Variants in RBM46 observed in about 807,000 individuals in gnomAD.
RBM46 encodes the protein RNA binding motif protein 46.
A neutral mutation model predicts 43.3 loss-of-function variants in RBM46; 12 were observed. The ratio of observed to expected loss-of-function variants is 0.28; its 90% CI spans 0.18 to 0.45. The LOEUF is 0.45. Among genes scored for constraint, RBM46 ranks in the 20% least tolerant of loss-of-function variants. RBM46 has a pLI of 1.00. For missense variants in RBM46, 412 were observed against 639.1 expected (o/e 0.64, Z 3.83); for synonymous variants, 205 against 207.6 (o/e 0.99, Z 0.11).
chr4:154,792,054 C>T (rs1734120676), intron 1 of RBM46, among the ~76,000 whole-genome samples: 1 of 152,056 alleles, frequency 6.6e-6, no homozygotes, highest in Non-Finnish European at 1.5e-5. Context: ...AATCACATAG[C>T]TTTTCAGAGA....
In RBM46 at chr4:154,798,970, C is replaced by T. The variant is rs867996134; in HGVS notation, c.808C>T (p.Leu270Phe). The change falls in exon 4 of 5, where the codon CTT becomes TTT. Residue 270 changes from leucine to phenylalanine, a missense_variant. Physicochemically the swap from Leu to Phe is conservative, Grantham distance 22. This residue lies in a region of RBM46 where 54 missense variants were observed against 102.5 expected (regional missense o/e 0.53). Transcript: ENST00000281722. ...TGGTGCAGTTGAACGGGTAAAGAAA[C>T]TTAGAGATTATGCTTTTGTTCACTT... ...KPGAVERVKK[L>F]RDYAFVHFFN... 6.2e-7 allele frequency: 1 copy of T among 1,613,700 alleles called. No individual in the cohort carries two copies. The highest frequency in any genetic ancestry group is 1.1e-5 in the South Asian group (1 of 90,992).
At chr4:154,816,058 A>G (rs1273421055) in intron 4 of RBM46, among the ~76,000 whole-genome samples, 1 of 152,074 alleles carries the variant, frequency 6.6e-6, no homozygotes, top group East Asian at 1.9e-4. Context: ...TCTAATATAC[A>G]CACACATATA....
chr4:154,813,207 T>C (rs745327165), intron 4 of RBM46, among the ~76,000 whole-genome samples: 1 of 152,126 alleles, frequency 6.6e-6, no homozygotes, highest in African/African-American at 2.4e-5. Flanking sequence ...GAAAGAAATA[T>C]ATGAGATAGG....
intron 1 of RBM46, among the ~76,000 whole-genome samples, chr4:154,782,696 T>C (rs1256401630): frequency 2.6e-5 from 4 of 152,150 alleles, no homozygotes; most frequent in Non-Finnish European, 5.9e-5. Context: ...TTGGCCAGGA[T>C]GGTCTCGATC....
At chr4:154,818,217 A>G (rs1170172448) in intron 4 of RBM46, among the ~76,000 whole-genome samples, 6 of 152,266 alleles carry the variant, frequency 3.9e-5, no homozygotes, top group African/African-American at 1.4e-4. Flanking sequence ...AGCTTCCACT[A>G]GAATTGTTTA....
chr4:154,798,751 T>A (rs1734468315), intron 3 of RBM46, 31 bp from the exon 4 acceptor site: 1 of 1,372,102 alleles, frequency 7.3e-7, no homozygotes, highest in East Asian at 2.6e-5. Context: ...TTTATTTTAA[T>A]TCTCTTCAAA....
At chr4:154,815,656 CTG>C (rs1236824046) in intron 4 of RBM46, among the ~76,000 whole-genome samples, 6 of 151,800 alleles carry the variant, frequency 4.0e-5, no homozygotes, top group Admixed American at 3.3e-4. Context: ...ATTGGTTTGT[CTG>C]TTTTTTATTT....
chr4:154,815,703 T>C (rs187012533), intron 4 of RBM46, among the ~76,000 whole-genome samples: 1 of 152,152 alleles, frequency 6.6e-6, no homozygotes, highest in East Asian at 1.9e-4. Context: ...ATTGAATATA[T>C]TTTTAAAATA....
At chr4:154,791,193 T>G (rs932715446) in intron 1 of RBM46, among the ~76,000 whole-genome samples, 1 of 152,242 alleles carries the variant, frequency 6.6e-6, no homozygotes, top group Non-Finnish European at 1.5e-5. Context: ...TCTTTTTAAC[T>G]GAAACTTTTC....
At chr4:154,785,755 T>C (rs911566003) in intron 1 of RBM46, among the ~76,000 whole-genome samples, 3 of 152,226 alleles carry the variant, frequency 2.0e-5, no homozygotes, top group Non-Finnish European at 4.4e-5. Flanking sequence ...GACTAAATTA[T>C]TGAAGAGAGT....
At chr4:154,814,293 T>C (rs1399834280) in intron 4 of RBM46, among the ~76,000 whole-genome samples, 2 of 152,090 alleles carry the variant, frequency 1.3e-5, no homozygotes. Flanking sequence ...GTCTCTTTCT[T>C]ATTGTCTTGC....
At chr4:154,825,749 T>C (rs1735927632) in intron 4 of RBM46, among the ~76,000 whole-genome samples, 1 of 152,212 alleles carries the variant, frequency 6.6e-6, no homozygotes, top group Admixed American at 6.5e-5. Flanking sequence ...ATCTGCTTTC[T>C]GAAATCTTTC....
intron 4 of RBM46, among the ~76,000 whole-genome samples, chr4:154,809,062 G>GTGGA (rs1553983266): frequency 1.1e-5 from 1 of 92,900 alleles, no homozygotes; most frequent in African/African-American, 8.1e-5. Flanking sequence ...ATTTTACTTA[G>GTGGA]TAGATTTAAG....
At chr4:154,782,148 C>A (rs949150275) in intron 1 of RBM46, among the ~76,000 whole-genome samples, 4 of 152,224 alleles carry the variant, frequency 2.6e-5, no homozygotes, top group African/African-American at 9.6e-5. Flanking sequence ...TCCCCCGACA[C>A]ACGGACGGCA....
intron 4 of RBM46, among the ~76,000 whole-genome samples, chr4:154,813,642 C>A (rs1343574455): frequency 1.3e-5 from 2 of 151,988 alleles, no homozygotes; most frequent in African/African-American, 2.4e-5. Flanking sequence ...TAGGAAATGT[C>A]AGTCGCTTAT....
chr4:154,792,979 G>T (rs116522739), intron 1 of RBM46, among the ~76,000 whole-genome samples: 2,815 of 152,248 alleles, frequency 0.018, 53 homozygotes, highest in East Asian at 0.065. Context: ...AGAAGTAAGG[G>T]TTACTTGAGT....
At chr4:154,807,317 G>A (rs918132038) in intron 4 of RBM46, among the ~76,000 whole-genome samples, 2 of 151,468 alleles carry the variant, frequency 1.3e-5, no homozygotes, top group African/African-American at 4.8e-5. Context: ...ACGTTGATTT[G>A]TAGCTCCTCT....
chr4:154,788,526 G>T (rs1290394061), intron 1 of RBM46, among the ~76,000 whole-genome samples: 1 of 152,118 alleles, frequency 6.6e-6, no homozygotes, highest in Non-Finnish European at 1.5e-5. Context: ...TGAGGGCTCT[G>T]TTCTGTTCCA....
intron 1 of RBM46, among the ~76,000 whole-genome samples, chr4:154,784,406 A>C (rs755349863): frequency 2.6e-5 from 4 of 152,186 alleles, no homozygotes; most frequent in Non-Finnish European, 5.9e-5. Context: ...TATTTTTGAT[A>C]ATTGTTAAGA....
Sources: gnomAD v4.1 joint callset for allele counts (sites outside exome capture counted in the v4.1 genomes callset) on GRCh38, gnomAD v4.1.1 for gene constraint, gnomAD v4.1.1 regional missense constraint, MANE v1.5 for transcripts, NCBI Gene and HGNC (gene_info 2026-07-23, HGNC 2026-07-21) for gene names.